The following ECE1 variants were observed in gnomAD, a reference collection of about 807,000 sequenced individuals.
ECE1 encodes the protein endothelin-converting enzyme 1.
ECE1 carries 35 observed loss-of-function variants against 98.6 expected under a neutral mutation model. The ratio of observed to expected loss-of-function variants is 0.35; its 90% CI spans 0.27 to 0.47. The LOEUF is 0.47. Ranked by LOEUF, ECE1 falls within the 20% of genes least tolerant of loss-of-function variation. ECE1 has a pLI of 1.00. For synonymous variants in ECE1, 394 were observed against 407.1 expected, an observed-to-expected ratio of 0.97 and a Z score of 0.39; for missense variants, 814 against 1,025.3, an observed-to-expected ratio of 0.79 and a Z score of 2.81.
intron 3 of ECE1, among the ~76,000 whole-genome samples, chr1:21,278,109 G>C (rs1233648470): frequency 6.6e-6 from 1 of 152,194 alleles, no homozygotes; most frequent in Non-Finnish European, 1.5e-5. Flanking sequence ...CGAGTCAGTG[G>C]GTGGGATGCT....
intron 5 of ECE1, among the ~76,000 whole-genome samples, chr1:21,259,757 G>A (rs542442399): frequency 2.0e-5 from 3 of 152,154 alleles, no homozygotes; most frequent in Admixed American, 1.3e-4. Flanking sequence ...TCTGGGAAGT[G>A]CCCAAGAAAG....
intron 4 of ECE1, among the ~76,000 whole-genome samples, chr1:21,269,120 C>A (rs2103315371): frequency 6.6e-6 from 1 of 152,302 alleles, no homozygotes. Context: ...GCTCTCCCTG[C>A]CAGCAGTGCC....
intron 4 of ECE1, among the ~76,000 whole-genome samples, chr1:21,263,846 C>T (rs567689451): frequency 3.4e-4 from 51 of 152,036 alleles, no homozygotes; most frequent in African/African-American, 1.2e-3. Context: ...TCCAGGAGCC[C>T]ACGGGGACAA....
At chr1:21,248,464 G>A (rs1336803758) in intron 8 of ECE1, among the ~76,000 whole-genome samples, 2 of 151,114 alleles carry the variant, frequency 1.3e-5, no homozygotes, top group East Asian at 2.0e-4. Context: ...ATGAGCTACC[G>A]CACCCAGCCT....
chr1:21,273,345 G>A (rs1317184292), intron 3 of ECE1, among the ~76,000 whole-genome samples: 4 of 93,508 alleles, frequency 4.3e-5, no homozygotes, highest in Non-Finnish European at 8.0e-5. Flanking sequence ...GTGCGTGTGT[G>A]CGTGTGTGTG....
chr1:21,336,855 G>A (rs1273596305), intron 1 of ECE1, among the ~76,000 whole-genome samples: 5 of 151,336 alleles, frequency 3.3e-5, no homozygotes, highest in African/African-American at 1.2e-4. Context: ...GGGACAAAGC[G>A]AGACTCCGTC....
chr1:21,275,820 C>T (rs1234940147), intron 3 of ECE1, among the ~76,000 whole-genome samples: 2 of 152,120 alleles, frequency 1.3e-5, no homozygotes, highest in Non-Finnish European at 2.9e-5. Context: ...GCCCCCTCTT[C>T]CTACGGAAAC....
At chr1:21,248,428 C>T (rs1177137563) in intron 8 of ECE1, among the ~76,000 whole-genome samples, 1 of 152,170 alleles carries the variant, frequency 6.6e-6, no homozygotes, top group Non-Finnish European at 1.5e-5. Context: ...CCTGCCTCAG[C>T]CTCCCAAAGT....
Position 21,219,717 on chromosome 1 carries a change from G to A in ECE1, c.*238C>T. ...CTGATGAGCCACCAGCCCAGCACCC[G>A]AATGCCTGCTGAAGGTGGCGCACAC... On this transcript the variant is annotated 3_prime_UTR_variant, in exon 19 of 19. Coordinates refer to ENST00000374893, the MANE Select transcript of ECE1 (RefSeq NM_001397.3). This position sits in a 1 kb window ranked among gnomAD's most constrained non-coding sequence, Gnocchi z 4.5. 1 of 572,706 alleles carries A rather than the reference G, an allele frequency of 1.7e-6. No homozygotes were observed. The highest frequency in any genetic ancestry group is 3.1e-6 in the Non-Finnish European group (1 of 318,330). 35.5% of individuals were successfully genotyped at this position (572,706 alleles called of 1,614,324 possible).
intron 1 of ECE1, among the ~76,000 whole-genome samples, chr1:21,318,427 T>G (rs1638879379): frequency 6.6e-6 from 1 of 151,916 alleles, no homozygotes; most frequent in Non-Finnish European, 1.5e-5. Flanking sequence ...CCTGTCCCAC[T>G]CCCTTAACAA....
chr1:21,223,876 G>T (rs944265563), intron 17 of ECE1, among the ~76,000 whole-genome samples: 2 of 152,206 alleles, frequency 1.3e-5, no homozygotes, highest in Admixed American at 1.3e-4. Flanking sequence ...GGGATTATAG[G>T]CATGAGCCAC....
intron 3 of ECE1, among the ~76,000 whole-genome samples, chr1:21,276,896 T>C (rs191145188): frequency 1.1e-4 from 16 of 152,222 alleles, no homozygotes; most frequent in Admixed American, 1.0e-3. Context: ...TTTGTATTTT[T>C]AGTAGAGACG....
chr1:21,317,730 C>T (rs1431205680), intron 1 of ECE1, among the ~76,000 whole-genome samples: 1 of 152,220 alleles, frequency 6.6e-6, no homozygotes, highest in East Asian at 1.9e-4. Flanking sequence ...GCCCCTGCTC[C>T]CCAACTCAAG....
In ECE1 at chr1:21,218,362, G is replaced by A. The variant is rs550718243; in HGVS notation, c.*1593C>T. The A allele has an allele frequency of 6.6e-6, 1 of 152,556 alleles. No homozygotes were observed. Among genetic ancestry groups the A allele is most frequent in the African/African-American group, 2.4e-5 (1 of 41,598 alleles). 9.5% of individuals were successfully genotyped at this position (152,556 alleles called of 1,614,324 possible). On this transcript the variant is annotated 3_prime_UTR_variant, in exon 19 of 19. Transcript: ENST00000374893. The surrounding 1 kb of genome is among the most constrained non-coding windows in gnomAD (Gnocchi z 4.0). The stretch of plus-strand genomic sequence containing the variant: ...TGGAGGTTAGCCCTGCAGGCACCGG[G>A]GAAATGGGGCTATGGCCTGTGCTTC...
At chr1:21,276,746 T>A (rs940778095) in intron 3 of ECE1, among the ~76,000 whole-genome samples, 68 of 149,180 alleles carry the variant, frequency 4.6e-4, no homozygotes, top group African/African-American at 1.5e-3. Context: ...AGTGCAGTGG[T>A]GCCATCTTGG....
upstream of ECE1, chr1:21,290,491 C>G: frequency 8.2e-7 from 1 of 1,219,200 alleles, no homozygotes; most frequent in Non-Finnish European, 1.0e-6. This position sits in a 1 kb window ranked among gnomAD's most constrained non-coding sequence, Gnocchi z 7.3. Context: ...GCACCACCTT[C>G]GCGGGCGGGG....
chr1:21,295,403 T>C (rs1638330372), upstream of ECE1, among the ~76,000 whole-genome samples: 1 of 152,234 alleles, frequency 6.6e-6, no homozygotes, highest in East Asian at 1.9e-4. Context: ...GGATAAGATA[T>C]AAAAATATGG....
intron 1 of ECE1, among the ~76,000 whole-genome samples, chr1:21,297,854 A>C (rs1015833022): frequency 1.4e-5 from 2 of 138,214 alleles, no homozygotes; most frequent in African/African-American, 5.5e-5. Context: ...TTTTTTTTTT[A>C]AGAGACTAGG....
At chr1:21,244,944 G>C in intron 10 of ECE1, 45 bp downstream of exon 10, 1 of 1,574,362 alleles carries the variant, frequency 6.4e-7, no homozygotes, top group Admixed American at 1.7e-5. Context: ...TTGGCATAAA[G>C]TAGGCGCTCA....
Sources: gnomAD v4.1 joint callset for allele counts (sites outside exome capture counted in the v4.1 genomes callset) on GRCh38, gnomAD v4.1.1 for gene constraint, Gnocchi (gnomAD v3.1) non-coding constraint, MANE v1.5 for transcripts, NCBI Gene and HGNC (gene_info 2026-07-23, HGNC 2026-07-21) for gene names.